The following CTDP1 variants were observed in gnomAD, a reference collection of about 807,000 sequenced individuals.
The protein encoded by CTDP1 is CTD phosphatase 1, also known as RNA polymerase II subunit A C-terminal domain phosphatase.
Under a neutral mutation model 91.8 loss-of-function variants are expected in CTDP1, and 47 were observed. That is an observed-to-expected ratio of 0.51 (90% CI 0.41 to 0.65). The LOEUF is 0.65. CTDP1 is among the 30% of genes least tolerant of loss of function. The pLI, the probability that CTDP1 is intolerant of heterozygous loss-of-function variation, is 0.00. For synonymous variants in CTDP1, 656 were observed against 598.5 expected, an observed-to-expected ratio of 1.10 and a Z score of -1.40; for missense variants, 1,272 against 1,373.7, an observed-to-expected ratio of 0.93 and a Z score of 1.17.
rs1482380676 is a variant in CTDP1, at chr18:79,695,075, C to T, written c.315-150C>T. The T allele has an allele frequency of 6.9e-6, 5 of 726,354 alleles. No individual in the cohort carries two copies. The East Asian group carries it at 1.3e-4, about 20-fold the overall frequency. 45.0% of individuals were successfully genotyped at this position (726,354 alleles called of 1,614,324 possible). A position where few individuals can be genotyped will look rare whatever the true frequency, so the allele number is the denominator to read the frequency against. The stretch of plus-strand genomic sequence containing the variant: ...CTTTCATTTTATAGACAAAGAAATG[C>T]CCTCAAGGGGTGATGTCACCTGCCT... On this transcript the variant is annotated intron_variant, in intron 1 of 12. Transcript: ENST00000613122.
At chr18:79,676,968 G>C (rs989763290), upstream of CTDP1, among the ~76,000 whole-genome samples, 2 of 152,224 alleles carry the variant, frequency 1.3e-5, no homozygotes, top group African/African-American at 4.8e-5. Flanking sequence ...CCAGGTTGGA[G>C]TTGTAATCAC....
intron 4 of CTDP1, chr18:79,702,825 A>G (rs541400211): frequency 6.6e-6 from 1 of 152,378 alleles, no homozygotes; most frequent in Non-Finnish European, 1.5e-5. Context: ...CAGTATCTCC[A>G]GGATAGGCCT....
chr18:79,707,391 T>G (rs620112), intron 5 of CTDP1, among the ~76,000 whole-genome samples: 115,814 of 152,226 alleles, frequency 0.76, 44,329 homozygotes, highest in Middle Eastern at 0.79. Context: ...TCCGCAGGCC[T>G]CTGAGCCGCT....
chr18:79,704,740 C>T lies in CTDP1; in HGVS notation c.622-27C>T, dbSNP rs780841296. On this transcript the variant is annotated intron_variant, in intron 4 of 12. Coordinates refer to ENST00000613122, the MANE Select transcript of CTDP1 (RefSeq NM_004715.5). ...GGCCGGGGCTCCTCAGGCCTTTTCT[C>T]CCGACTGTTGCTACTATTCTTTTTA... 6 of 1,612,468 alleles carry T rather than the reference C, an allele frequency of 3.7e-6. No homozygotes were observed. In the South Asian group the frequency reaches 5.5e-5, roughly 15 times the overall value.
At position 79,714,485 on chromosome 18, in the gene CTDP1, A is replaced by G. The variant is rs764449451; in HGVS notation, c.1031-6A>G. 8 of 1,612,898 alleles carry G rather than the reference A, an allele frequency of 5.0e-6. No individual in the cohort carries two copies. The African/African-American group carries it at 8.0e-5, about 16-fold the overall frequency. ...CGGTAACTTTTCCTTTTGCATGCAT[A>G]TTTAGTAAATCATTCTCGAGGCACT... On this transcript the variant is annotated splice_region_variant and splice_polypyrimidine_tract_variant and intron_variant, in intron 7 of 12. Transcript: ENST00000613122.
chr18:79,701,563 A>AAATT (rs1198425185), intron 4 of CTDP1, among the ~76,000 whole-genome samples: 1 of 145,700 alleles, frequency 6.9e-6, no homozygotes, highest in African/African-American at 2.6e-5. Context: ...ATAAATAAAT[A>AAATT]AATAAATAAA....
chr18:79,728,111 T>C (rs2086488585), intron 10 of CTDP1, among the ~76,000 whole-genome samples: 1 of 152,324 alleles, frequency 6.6e-6, no homozygotes, highest in Non-Finnish European at 1.5e-5. Flanking sequence ...TCGTGAATTT[T>C]TTTTTTAAGG....
intron 10 of CTDP1, among the ~76,000 whole-genome samples, chr18:79,726,183 A>G (rs918574787): frequency 8.6e-5 from 13 of 151,702 alleles, no homozygotes; most frequent in African/African-American, 3.2e-4. Flanking sequence ...TTTCCTGTTC[A>G]GCTCGTTTTC....
chr18:79,712,822 A>G, intron 6 of CTDP1, 150 bp from the exon 7 acceptor site: 2 of 752,126 alleles, frequency 2.7e-6, no homozygotes, highest in Non-Finnish European at 4.4e-6. Context: ...ACCCAAACAG[A>G]AAGGGCTTCG....
At position 79,694,374 on chromosome 18, in the gene CTDP1, CTG is replaced by C. The variant is rs368144935; in HGVS notation, c.315-850_315-849del. On this transcript the variant is annotated intron_variant, in intron 1 of 12. Transcript: ENST00000613122. ...TGGGGGTTGCGAGCTCCTAGGGACACTGAGTGCCGGGCAGCCTCGTGTCCGCG... is the reference window on the plus strand; with the variant it reads ...TGGGGGTTGCGAGCTCCTAGGGACACAGTGCCGGGCAGCCTCGTGTCCGCG... Among the ~76,000 whole-genome samples, 212 of 100,024 alleles carry C rather than the reference CTG, an allele frequency of 2.1e-3. 62 individuals carry two copies. In the East Asian group the frequency reaches 0.063, roughly 30 times the overall value. The allele number at this position is 100,024 out of a possible 152,430, so 65.6% of individuals were successfully genotyped here.
At chr18:79,731,976 C>T (rs1172084321) in intron 11 of CTDP1, among the ~76,000 whole-genome samples, 1 of 151,030 alleles carries the variant, frequency 6.6e-6, no homozygotes, top group Admixed American at 6.6e-5. Context: ...AACTCACTAA[C>T]ATGAGGAATG....
At position 79,736,488 on chromosome 18, in the gene CTDP1, G is replaced by A; in HGVS notation, c.2714G>A (p.Ser905Asn). 1 of 1,547,540 alleles carries A rather than the reference G, an allele frequency of 6.5e-7. No homozygotes were observed. The highest frequency in any genetic ancestry group is 8.7e-7 in the Non-Finnish European group (1 of 1,146,114). ...CGGACGCTCGGGGCACCTGCGTCCA[G>A]CGAGAGGAGCGCGGCAGGGGGCCGG... ...RERTLGAPAS[S>N]ERSAAGGRGP... Residue 905 changes from serine to asparagine, a missense_variant, in exon 12 of 13, where the codon AGC becomes AAC. This residue lies in a region of CTDP1 where 881 missense variants were observed against 911.6 expected (regional missense o/e 0.97). Transcript: ENST00000613122.
Position 79,697,917 on chromosome 18 carries a change from G to T in CTDP1, c.550G>T (p.Val184Leu). 6.2e-7 allele frequency: 1 copy of T among 1,614,234 alleles called. No individual in the cohort carries two copies. Among genetic ancestry groups the T allele is most frequent in the Non-Finnish European group, 8.5e-7 (1 of 1,180,046 alleles). ...GCGACTGCACCGAAACCGGAAGCTG[G>T]TGCTCATGGTGGACTTGGACCAGAC... is the stretch of plus-strand genomic sequence containing the variant. ...QQRLHRNRKLVLMVDLDQTLI... is the reference protein window; with the variant it reads ...QQRLHRNRKLLLMVDLDQTLI... Residue 184 changes from valine (V) to leucine (L), a missense_variant, in exon 4 of 13, where the codon GTG (valine) becomes TTG (leucine). Coordinates refer to ENST00000613122, the MANE Select transcript of CTDP1 (RefSeq NM_004715.5).
In CTDP1 at chr18:79,680,039, G is replaced by T; in HGVS notation, c.92G>T (p.Arg31Leu). The change falls in exon 1 of 13, where the codon CGC becomes CTC. Residue 31 changes from arginine to leucine, a missense_variant. Arg to Leu is a moderately radical substitution (Grantham distance 102). Coordinates refer to ENST00000613122, the MANE Select transcript of CTDP1 (RefSeq NM_004715.5). ...CGCTGCCCGGGGCCCGCGCCGCTGCGCCTGCTGGAGTGGAGGGTGGCGGCG... is the reference window on the plus strand; with the variant it reads ...CGCTGCCCGGGGCCCGCGCCGCTGCTCCTGCTGGAGTGGAGGGTGGCGGCG... The part of the protein sequence containing the change: ...EVRCPGPAPL[R>L]LLEWRVAAGA... 1 of 1,257,566 alleles carries T rather than the reference G, an allele frequency of 8.0e-7. No homozygotes were observed. Among genetic ancestry groups the T allele is most frequent in the Non-Finnish European group, 9.9e-7 (1 of 1,005,614 alleles). The allele number at this position is 1,257,566 out of a possible 1,614,324, so 77.9% of individuals were successfully genotyped here.
At chr18:79,742,248 G>A (rs1051629139) in intron 12 of CTDP1, among the ~76,000 whole-genome samples, 2 of 149,848 alleles carry the variant, frequency 1.3e-5, no homozygotes, top group African/African-American at 5.0e-5. Flanking sequence ...GGTGGAGAGA[G>A]GCCTGAGGGC....
intron 1 of CTDP1, among the ~76,000 whole-genome samples, chr18:79,686,586 A>G (rs181416260): frequency 6.6e-6 from 1 of 152,392 alleles, no homozygotes. Flanking sequence ...AACTTGAGCT[A>G]AAACTTAACT....
rs528583236 is a variant in CTDP1 at position 79,697,404 on chromosome 18, G to A, written c.493-456G>A. On this transcript the variant is annotated intron_variant, in intron 3 of 12. Transcript: ENST00000613122. ...CCCGATGCGCTGTTGCCAGGCCCCC[G>A]GGTCTCTTCGAGGCACAAGAATAGG... Among the ~76,000 whole-genome samples, 9 of 152,336 alleles carry A rather than the reference G, an allele frequency of 5.9e-5. 1 individual carries two copies. The highest frequency in any genetic ancestry group is 1.9e-4 in the African/African-American group (8 of 41,570).
At chr18:79,727,727 T>C (rs1295608838) in intron 10 of CTDP1, among the ~76,000 whole-genome samples, 2 of 152,196 alleles carry the variant, frequency 1.3e-5, no homozygotes, top group African/African-American at 4.8e-5. Context: ...ATGGGTTTTA[T>C]CACCTTCATC....
intron 1 of CTDP1, among the ~76,000 whole-genome samples, chr18:79,692,281 G>A (rs1002210765): frequency 2.6e-5 from 4 of 152,042 alleles, no homozygotes; most frequent in Admixed American, 1.3e-4. Flanking sequence ...GGTGCCCCCC[G>A]CCCGCCATGG....
Sources: gnomAD v4.1 joint callset for allele counts (sites outside exome capture counted in the v4.1 genomes callset) on GRCh38, gnomAD v4.1.1 for gene constraint, gnomAD v4.1.1 regional missense constraint, MANE v1.5 for transcripts, NCBI Gene and HGNC (gene_info 2026-07-23, HGNC 2026-07-21) for gene names.